The following STARD13 variants were observed in gnomAD, a reference collection of about 807,000 sequenced individuals.
STARD13 encodes StAR related lipid transfer domain containing 13.
In STARD13, 62 loss-of-function variants were observed where a neutral mutation model predicts 106.4. That is an observed-to-expected ratio of 0.58 (90% CI 0.48 to 0.72). The LOEUF (loss-of-function observed/expected upper bound fraction) is 0.72, where lower values mean the gene tolerates loss of function less well. Among genes scored for constraint, STARD13 ranks in the 30% least tolerant of loss-of-function variants. STARD13 has a pLI of 0.00. For synonymous variants in STARD13, 565 were observed against 553.0 expected, an observed-to-expected ratio of 1.02 and a Z score of -0.31; for missense variants, 1,387 against 1,424.0, an observed-to-expected ratio of 0.97 and a Z score of 0.42.
Position 33,129,816 on chromosome 13 carries a change from A to T in STARD13, c.861T>A (p.Ser287Arg), listed in dbSNP as rs1183953770. The T allele has an allele frequency of 6.2e-7, 1 of 1,613,388 alleles. No individual in the cohort carries two copies. Residue 287 changes from serine to arginine, a missense_variant, in exon 5 of 14, where the codon AGT (serine) becomes AGA (arginine). Transcript: ENST00000336934. ...GSGRTGGLVISGPMLQQEPES... is the reference protein window; with the variant it reads ...GSGRTGGLVIRGPMLQQEPES... ...CTGGCTCCTGCTGCAACATGGGCCC[A>T]CTGATCACCAGGCCACCTGTCCGCC...
intron 13 of STARD13, 82 bp downstream of exon 13, chr13:33,106,676 C>T: frequency 7.7e-7 from 1 of 1,298,304 alleles, no homozygotes; most frequent in Non-Finnish European, 1.0e-6. Context: ...AATAAGAAAT[C>T]AGGGTGACAT....
At chr13:33,169,287 G>A (rs181776612) in intron 1 of STARD13, among the ~76,000 whole-genome samples, 69 of 152,358 alleles carry the variant, frequency 4.5e-4, no homozygotes, top group African/African-American at 1.6e-3. Context: ...GGTACAAAAG[G>A]CAATTATTGC....
At chr13:33,541,106 A>G in the STARD13 span, among the ~76,000 whole-genome samples, 1 of 152,216 alleles carries the variant, frequency 6.6e-6, no homozygotes, top group South Asian at 2.1e-4. Flanking sequence ...GTATAATGGT[A>G]GCAAAATGAA....
chr13:33,338,808 C>G (rs1351062057), intron 1 of STARD13, among the ~76,000 whole-genome samples: 1 of 149,036 alleles, frequency 6.7e-6, no homozygotes, highest in East Asian at 2.0e-4. Context: ...TTGTTTGAAC[C>G]CGGGAGGCAG....
the STARD13 span, among the ~76,000 whole-genome samples, chr13:33,617,328 CA>C: frequency 3.3e-5 from 5 of 152,114 alleles, no homozygotes; most frequent in African/African-American, 1.2e-4. Context: ...CATAAGCAAT[CA>C]GTGCTTGTAA....
upstream of STARD13, among the ~76,000 whole-genome samples, chr13:33,351,792 G>A (rs1447458479): frequency 6.6e-6 from 1 of 152,144 alleles, no homozygotes; most frequent in East Asian, 1.9e-4. Context: ...GTGCTCCACA[G>A]GAAGTTTGAA....
chr13:33,262,090 C>T (rs143709951), intron 1 of STARD13, among the ~76,000 whole-genome samples: 10 of 152,292 alleles, frequency 6.6e-5, no homozygotes, highest in South Asian at 2.1e-4. Flanking sequence ...ACAGACTAAG[C>T]GGGCAAAGCC....
At chr13:33,343,340 G>A (rs1343361786) in intron 1 of STARD13, among the ~76,000 whole-genome samples, 1 of 151,280 alleles carries the variant, frequency 6.6e-6, no homozygotes, top group Non-Finnish European at 1.5e-5. Context: ...CTTGGGAGGT[G>A]GAGGTGGGAA....
At chr13:33,426,946 C>T in the STARD13 span, among the ~76,000 whole-genome samples, 2 of 152,130 alleles carry the variant, frequency 1.3e-5, no homozygotes, top group Non-Finnish European at 1.5e-5. Context: ...AACTTGTATT[C>T]ACCATTAAAA....
At chr13:33,627,693 T>A in the STARD13 span, among the ~76,000 whole-genome samples, 1 of 152,052 alleles carries the variant, frequency 6.6e-6, no homozygotes, top group African/African-American at 2.4e-5. Flanking sequence ...TTGTCCTTCA[T>A]GGCCCTGGAC....
At chr13:33,314,945 C>A (rs1032479669) in intron 1 of STARD13, among the ~76,000 whole-genome samples, 4 of 151,992 alleles carry the variant, frequency 2.6e-5, no homozygotes, top group African/African-American at 7.3e-5. Context: ...TAGAATGAGA[C>A]AAAGCCAAAA....
At chr13:33,439,976 A>C in the STARD13 span, among the ~76,000 whole-genome samples, 1 of 152,194 alleles carries the variant, frequency 6.6e-6, no homozygotes. Flanking sequence ...GACTTAAGTA[A>C]AGATTTATAC....
chr13:33,241,355 A>G (rs1051236622), intron 1 of STARD13, among the ~76,000 whole-genome samples: 1 of 152,202 alleles, frequency 6.6e-6, no homozygotes, highest in Non-Finnish European at 1.5e-5. Context: ...TCAACACAAT[A>G]GAATAAAACC....
chr13:33,653,657 C>T, the STARD13 span, among the ~76,000 whole-genome samples: 11 of 148,788 alleles, frequency 7.4e-5, no homozygotes, highest in African/African-American at 2.9e-4. Context: ...GTACAAGCAG[C>T]AAAACAGAAA....
the STARD13 span, among the ~76,000 whole-genome samples, chr13:33,631,859 C>T: frequency 5.7e-4 from 86 of 152,066 alleles, no homozygotes; most frequent in African/African-American, 1.9e-3. Flanking sequence ...AAGTAATTTG[C>T]GTTAAAAATT....
intron 1 of STARD13, among the ~76,000 whole-genome samples, chr13:33,330,990 C>T (rs971174405): frequency 5.9e-5 from 9 of 152,120 alleles, no homozygotes; most frequent in African/African-American, 1.2e-4. Flanking sequence ...TAAAAATAAA[C>T]GGGCTTGTGA....
At chr13:33,408,900 T>A in the STARD13 span, among the ~76,000 whole-genome samples, 1 of 152,006 alleles carries the variant, frequency 6.6e-6, no homozygotes. Context: ...GCTTTCTCCC[T>A]CCTTCCTTCA....
At chr13:33,454,562 C>A in the STARD13 span, among the ~76,000 whole-genome samples, 2 of 152,132 alleles carry the variant, frequency 1.3e-5, no homozygotes, top group African/African-American at 4.8e-5. Flanking sequence ...AAAGGAGATA[C>A]GATAACTCAG....
At chr13:33,334,325 C>A (rs908915532) in intron 1 of STARD13, among the ~76,000 whole-genome samples, 13 of 152,094 alleles carry the variant, frequency 8.5e-5, no homozygotes, top group African/African-American at 3.1e-4. Context: ...GCTGGTGAGA[C>A]AAGGACCAGA....
Sources: allele counts gnomAD v4.1 joint callset (sites outside exome capture counted in the v4.1 genomes callset), GRCh38; gene constraint gnomAD v4.1.1; transcripts MANE v1.5; gene names NCBI Gene and HGNC (gene_info 2026-07-23, HGNC 2026-07-21).